The following TBC1D16 variants were observed in gnomAD, a reference collection of about 807,000 sequenced individuals.
TBC1D16 encodes CTD-2529O21.1.
TBC1D16 carries 58 observed loss-of-function variants against 74.7 expected under a neutral mutation model. That is an observed-to-expected ratio of 0.78 (90% CI 0.63 to 0.97). TBC1D16 has a LOEUF of 0.97. Among genes scored for constraint, TBC1D16 ranks in the 50% least tolerant of loss-of-function variants. TBC1D16 has a pLI of 0.00. For synonymous variants in TBC1D16, 493 were observed against 474.7 expected (o/e 1.04, Z -0.50); for missense variants, 1,014 against 1,079.5 (o/e 0.94, Z 0.85).
rs2031322763 is a variant in TBC1D16, at chr17:79,932,607, G to A, written c.*8252C>T. The A allele has an allele frequency of 6.6e-6, 1 of 152,228 alleles. No individual in the cohort carries two copies. The highest frequency in any genetic ancestry group is 6.5e-5 in the Admixed American group (1 of 15,278). The allele number at this position is 152,228 out of a possible 1,614,324, so 9.4% of individuals were successfully genotyped here. A position where few individuals can be genotyped will look rare whatever the true frequency, so the allele number is the denominator to read the frequency against. On this transcript the variant is annotated 3_prime_UTR_variant, in exon 12 of 12. Transcript: ENST00000310924. The stretch of plus-strand genomic sequence containing the variant: ...ATGTGCCAATTCACATTGACTTGTA[G>A]CCACTAGGACCCTGTGTCTTTTTCT...
chr17:80,006,338 A>T (rs1464069272), intron 3 of TBC1D16, among the ~76,000 whole-genome samples: 1 of 152,020 alleles, frequency 6.6e-6, no homozygotes, highest in African/African-American at 2.4e-5. Context: ...GCGCCACCCC[A>T]GCGATCCTAG....
At chr17:80,004,456 G>C (rs1338623256) in intron 3 of TBC1D16, among the ~76,000 whole-genome samples, 1 of 152,184 alleles carries the variant, frequency 6.6e-6, no homozygotes, top group Admixed American at 6.5e-5. Context: ...CAGACCTTCT[G>C]GGAAGTCAGA....
At chr17:79,998,413 C>T (rs574455455) in intron 3 of TBC1D16, among the ~76,000 whole-genome samples, 6 of 151,786 alleles carry the variant, frequency 4.0e-5, no homozygotes, top group African/African-American at 9.7e-5. Flanking sequence ...CTGCAACCTC[C>T]GCATTCTGGG....
intron 3 of TBC1D16, among the ~76,000 whole-genome samples, chr17:79,995,557 GGGCA>G (rs756635721): frequency 0.36 from 48,773 of 136,508 alleles, 9,875 homozygotes; most frequent in Admixed American, 0.49. Context: ...AGGCTGAGGT[GGGCA>G]GATCACGAGG....
chr17:79,973,323 A>G (rs1396930729), intron 3 of TBC1D16, among the ~76,000 whole-genome samples: 1 of 152,204 alleles, frequency 6.6e-6, no homozygotes, highest in Non-Finnish European at 1.5e-5. Context: ...CTGTAATCCC[A>G]GCACTTTGGG....
At chr17:80,024,951 GACACACCACAC>G in intron 1 of TBC1D16, among the ~76,000 whole-genome samples, 1 of 111,800 alleles carries the variant, frequency 8.9e-6, no homozygotes, top group Non-Finnish European at 1.8e-5. Context: ...ACACACCATA[GACACACCACAC>G]ACACAACCCC....
Position 79,965,906 on chromosome 17 carries a change from T to A in TBC1D16, c.780-13088A>T, listed in dbSNP as rs866899284. On this transcript the variant is annotated intron_variant, in intron 3 of 11. Transcript: ENST00000310924. ...ATGGGCACTGAGCCCGCCCCACACA[T>A]TGGCCTGGTCGCCTCTTTCCTTGTT... Among the ~76,000 whole-genome samples the A allele has an allele frequency of 3.3e-5, 5 of 152,202 alleles. No homozygotes were observed. The South Asian group carries it at 6.2e-4, about 19-fold the overall frequency.
chr17:80,021,597 TA>T lies in TBC1D16; in HGVS notation c.-62-7989del, dbSNP rs529566646. ...TTCATTGATATGTAAGAACTCTTTA[TA>T]TAGTAAAGATCACTACATACACACC... On this transcript the variant is annotated intron_variant, in intron 1 of 11. Transcript: ENST00000310924. Among the ~76,000 whole-genome samples the T allele has an allele frequency of 4.7e-3, 702 of 149,678 alleles. 15 individuals carry two copies. The highest frequency in any genetic ancestry group is 7.9e-3 in the Non-Finnish European group (538 of 68,014).
intron 3 of TBC1D16, among the ~76,000 whole-genome samples, chr17:79,962,062 C>T (rs1048735410): frequency 1.1e-4 from 16 of 152,154 alleles, no homozygotes; most frequent in African/African-American, 3.6e-4. Context: ...CAAGCACATA[C>T]TGCATGATCC....
intron 1 of TBC1D16, among the ~76,000 whole-genome samples, chr17:80,034,360 G>A (rs950398556): frequency 6.7e-6 from 1 of 150,138 alleles, no homozygotes; most frequent in Non-Finnish European, 1.5e-5. Context: ...CCACCACACC[G>A]GGCTAATTTT....
rs188485274 is a variant in TBC1D16 at position 79,994,768 on chromosome 17, C to G, written c.779+15392G>C. 1.4e-5 allele frequency among the ~76,000 whole-genome samples: 2 copies of G among 143,416 alleles called. No individual in the cohort carries two copies. Among genetic ancestry groups the G allele is most frequent in the African/African-American group, 5.2e-5 (2 of 38,686 alleles). 94.1% of individuals were successfully genotyped at this position (143,416 alleles called of 152,430 possible). A position where few individuals can be genotyped will look rare whatever the true frequency, so the allele number is the denominator to read the frequency against. ...AGCAGGTCGCCAATCTGTGTAGACT[C>G]GTGCTGGCCAAGGCAGTGACCCCAA... On this transcript the variant is annotated intron_variant, in intron 3 of 11. Transcript: ENST00000310924. The surrounding 1 kb of genome is among the most constrained non-coding windows in gnomAD (Gnocchi z 4.6).
intron 3 of TBC1D16, among the ~76,000 whole-genome samples, chr17:79,973,545 T>C (rs1238365596): frequency 6.6e-6 from 1 of 151,988 alleles, no homozygotes; most frequent in Non-Finnish European, 1.5e-5. Context: ...CCGTTTCTAC[T>C]AAAAATACAA....
intron 3 of TBC1D16, among the ~76,000 whole-genome samples, chr17:79,970,083 A>G (rs1006047673): frequency 2.6e-5 from 4 of 152,216 alleles, no homozygotes; most frequent in Admixed American, 1.3e-4. Context: ...CATCCATACA[A>G]TGGAATACTG....
At chr17:79,973,489 C>T (rs1024767750) in intron 3 of TBC1D16, among the ~76,000 whole-genome samples, 6 of 152,168 alleles carry the variant, frequency 3.9e-5, no homozygotes, top group African/African-American at 1.4e-4. Flanking sequence ...GCGGGCGGAT[C>T]ACAAGGTCAG....
chr17:80,022,146 T>A (rs1227322610), intron 1 of TBC1D16, among the ~76,000 whole-genome samples: 1 of 149,836 alleles, frequency 6.7e-6, no homozygotes, highest in Non-Finnish European at 1.5e-5. Context: ...CTACTTTTAA[T>A]GTTTCAAAAG....
intron 1 of TBC1D16, among the ~76,000 whole-genome samples, chr17:80,015,506 A>G (rs1447601639): frequency 1.3e-5 from 2 of 152,244 alleles, no homozygotes; most frequent in African/African-American, 4.8e-5. Context: ...CTGATGGGGG[A>G]TGTCCAGGAC....
rs763759011 is a variant in TBC1D16 at position 79,942,199 on chromosome 17, T to C, written c.1916A>G (p.Tyr639Cys). ...EACWAHYQTD[Y>C]FHLFICVAIV... ...GGCCACGCAGATGAAAAGGTGGAAG[T>C]AGTCCGTCTGTGGAGGCGGGTAGAG... The change falls in exon 11 of 12, where the codon TAC becomes TGC. Residue 639 changes from tyrosine (Y) to cysteine (C), a missense_variant. By Grantham distance (194) the Tyr-to-Cys change is radical (BLOSUM62 -2). Transcript: ENST00000310924. 7 of 1,599,718 alleles carry C rather than the reference T, an allele frequency of 4.4e-6. No individual in the cohort carries two copies. In the Admixed American group the frequency reaches 8.5e-5, roughly 19 times the overall value.
chr17:79,969,529 G>A (rs369016516), intron 3 of TBC1D16, among the ~76,000 whole-genome samples: 1 of 152,192 alleles, frequency 6.6e-6, no homozygotes, highest in African/African-American at 2.4e-5. Flanking sequence ...TCATTCCATG[G>A]TGATGGGAAT....
chr17:79,962,977 G>T (rs570413784), intron 3 of TBC1D16, among the ~76,000 whole-genome samples: 1 of 151,728 alleles, frequency 6.6e-6, no homozygotes, highest in African/African-American at 2.4e-5. Context: ...TTGAATCCAG[G>T]AGGCAGAGGT....
Sources: gnomAD v4.1 joint callset for allele counts (sites outside exome capture counted in the v4.1 genomes callset) on GRCh38, gnomAD v4.1.1 for gene constraint, Gnocchi (gnomAD v3.1) non-coding constraint, MANE v1.5 for transcripts, NCBI Gene and HGNC (gene_info 2026-07-23, HGNC 2026-07-21) for gene names.